The following CROCC2 variants were observed in gnomAD, a reference collection of about 807,000 sequenced individuals.
CROCC2 encodes ciliary rootlet coiled-coil, rootletin family member 2.
In CROCC2, 163 loss-of-function variants were observed where a neutral mutation model predicts 177.6. The observed-to-expected ratio is 0.92, with a 90% confidence interval of 0.81 to 1.05. The LOEUF (loss-of-function observed/expected upper bound fraction) is 1.05. Ranked by LOEUF, CROCC2 falls within the 50% of genes least tolerant of loss-of-function variation. The pLI is 0.00. For synonymous variants in CROCC2, 904 were observed against 787.3 expected (o/e 1.15, Z -2.48); for missense variants, 1,929 against 1,797.8 (o/e 1.07, Z -1.32).
At chr2:240,938,436 C>A (rs1169760214) in intron 14 of CROCC2, among the ~76,000 whole-genome samples, 1 of 152,202 alleles carries the variant, frequency 6.6e-6, no homozygotes, top group African/African-American at 2.4e-5. Flanking sequence ...ATTCTTTCAC[C>A]AAAACCACAC....
chr2:240,916,542 C>T lies in CROCC2; in HGVS notation c.79-2184C>T, dbSNP rs567264398. 1.2e-3 allele frequency among the ~76,000 whole-genome samples: 168 copies of T among 143,300 alleles called. 1 individual carries two copies. Among genetic ancestry groups the T allele is most frequent in the Admixed American group, 3.9e-3 (54 of 13,916 alleles). 94.0% of individuals were successfully genotyped at this position (143,300 alleles called of 152,430 possible). ...TCCCCCTGAACGCCCCCTGCGCTCCCCCCGCGCTCCCCGCGCCCCCCTCCG... is the reference window on the plus strand; with the variant it reads ...TCCCCCTGAACGCCCCCTGCGCTCCTCCCGCGCTCCCCGCGCCCCCCTCCG... On this transcript the variant is annotated intron_variant, in intron 1 of 31. Transcript: ENST00000690015.
At position 240,948,033 on chromosome 2, in the gene CROCC2, G is replaced by A. The variant is rs150086466; in HGVS notation, c.2364-946G>A. On this transcript the variant is annotated intron_variant, in intron 15 of 31. Coordinates refer to ENST00000690015, the MANE Select transcript of CROCC2 (RefSeq NM_001351305.2). The stretch of plus-strand genomic sequence containing the variant: ...CCACATCCCTTACAGGAGACCAGGC[G>A]GGCCTCTAGGAGGAGGGGTTTCCAG... 8.7e-4 allele frequency among the ~76,000 whole-genome samples: 133 copies of A among 152,284 alleles called. 1 individual carries two copies. The highest frequency in any genetic ancestry group is 2.7e-3 in the African/African-American group (113 of 41,552).
At chr2:240,969,377 G>A (rs1471231143) in intron 27 of CROCC2, among the ~76,000 whole-genome samples, 1 of 152,236 alleles carries the variant, frequency 6.6e-6, no homozygotes, top group Non-Finnish European at 1.5e-5. Flanking sequence ...TGAGGAGGTG[G>A]CTTCTGCAGG....
At chr2:240,989,172 C>T (rs553388272) in intron 29 of CROCC2, among the ~76,000 whole-genome samples, 9 of 152,274 alleles carry the variant, frequency 5.9e-5, no homozygotes, top group African/African-American at 2.2e-4. Context: ...TCAGAGAGGC[C>T]TGTGGGGCAT....
Position 240,988,850 on chromosome 2 carries a change from A to T in CROCC2, c.4663A>T (p.Arg1555Trp), listed in dbSNP as rs1325742338. Residue 1555 changes from arginine (R) to tryptophan (W), a missense_variant, in exon 29 of 32, where the codon AGG (arginine) becomes TGG (tryptophan). By Grantham distance (101) the Arg-to-Trp change is moderately radical. This residue lies in a region of CROCC2 where 388 missense variants were observed against 352.7 expected (regional missense o/e 1.10). Coordinates refer to ENST00000690015, the MANE Select transcript of CROCC2 (RefSeq NM_001351305.2). ...SLHQEVDGALRQNQQLQAQMT... is the reference protein window; with the variant it reads ...SLHQEVDGALWQNQQLQAQMT... The stretch of plus-strand genomic sequence containing the variant: ...GCACCAGGAGGTGGACGGAGCCCTG[A>T]GGCAAAATCAGCAGCTGCAGGTCAA... 6.7e-7 allele frequency: 1 copy of T among 1,491,576 alleles called. No individual in the cohort carries two copies. The highest frequency in any genetic ancestry group is 9.0e-7 in the Non-Finnish European group (1 of 1,113,012). The allele number at this position is 1,491,576 out of a possible 1,614,324, so 92.4% of individuals were successfully genotyped here.
intron 30 of CROCC2, 148 bp from the exon 31 acceptor site, chr2:240,991,048 G>A (rs944207826): frequency 3.7e-6 from 2 of 543,624 alleles, no homozygotes; most frequent in African/African-American, 3.9e-5. Context: ...TCTGCCTGAT[G>A]TTTCTGTCCC....
At chr2:240,943,702 A>G (rs1264774701) in intron 14 of CROCC2, among the ~76,000 whole-genome samples, 1 of 151,666 alleles carries the variant, frequency 6.6e-6, no homozygotes, top group Non-Finnish European at 1.5e-5. Context: ...TTGGTCTCGA[A>G]CTCCCGAGCT....
intron 20 of CROCC2, among the ~76,000 whole-genome samples, chr2:240,961,586 TCACA>T (rs72080262): frequency 2.6e-4 from 35 of 136,810 alleles, no homozygotes; most frequent in African/African-American, 5.7e-4. Flanking sequence ...ACACATACAC[TCACA>T]CACACACACG....
At chr2:240,912,607 A>T (rs1416545935) in intron 1 of CROCC2, among the ~76,000 whole-genome samples, 1 of 152,214 alleles carries the variant, frequency 6.6e-6, no homozygotes, top group Non-Finnish European at 1.5e-5. Context: ...ACTGCCTTGT[A>T]TTCAGCAACC....
chr2:240,961,584 A>C (rs2059634981), intron 20 of CROCC2, among the ~76,000 whole-genome samples: 1 of 88,536 alleles, frequency 1.1e-5, no homozygotes, highest in African/African-American at 3.9e-5. Context: ...TCACACATAC[A>C]CTCACACACA....
intron 22 of CROCC2, among the ~76,000 whole-genome samples, chr2:240,964,957 C>T (rs1308434614): frequency 4.6e-5 from 7 of 152,228 alleles, no homozygotes; most frequent in Non-Finnish European, 7.3e-5. Context: ...CAACACCTTC[C>T]GGTGGCGCTC....
chr2:240,989,330 G>A (rs1313181081), intron 29 of CROCC2, among the ~76,000 whole-genome samples: 1 of 152,162 alleles, frequency 6.6e-6, no homozygotes, highest in Non-Finnish European at 1.5e-5. Flanking sequence ...GGGGATGGGG[G>A]CAGGATGGGC....
At chr2:240,966,014 C>T in intron 24 of CROCC2, 21 bp downstream of exon 24, 1 of 1,330,186 alleles carries the variant, frequency 7.5e-7, no homozygotes, top group African/African-American at 1.5e-5. Flanking sequence ...TCAGTGGAGG[C>T]AGGCGGGCCC....
At position 240,990,228 on chromosome 2, in the gene CROCC2, G is replaced by A. The variant is rs77811548; in HGVS notation, c.4863+395G>A. On this transcript the variant is annotated intron_variant, in intron 30 of 31. Transcript: ENST00000690015. ...GTGGCCTCTGCACCTGTCCTTCAGA[G>A]TCACAAAGGGAAAACAATGGCACAC... Among the ~76,000 whole-genome samples the A allele has an allele frequency of 0.014, 2,068 of 152,328 alleles. 158 individuals are homozygous for A. In the East Asian group the frequency reaches 0.19, roughly 14 times the overall value.
chr2:240,982,992 G>A lies in CROCC2; in HGVS notation c.4514G>A (p.Cys1505Tyr), dbSNP rs760611960. 8 of 1,550,408 alleles carry A rather than the reference G, an allele frequency of 5.2e-6. No individual in the cohort carries two copies. Among genetic ancestry groups the A allele is most frequent in the Non-Finnish European group, 7.0e-6 (8 of 1,146,992 alleles). ...CAGCTCACCAACTTGGAGCACAGGT[G>A]CCAGAAGGCTGAGGTATCGCTGGAG... The part of the protein sequence containing the change: ...EEQLTNLEHR[C>Y]QKAEVSLEPL... The change falls in exon 28 of 32, where the codon TGC becomes TAC. Residue 1505 changes from cysteine (C) to tyrosine (Y), a missense_variant. This residue lies in a region of CROCC2 where 388 missense variants were observed against 352.7 expected (regional missense o/e 1.10). Coordinates refer to ENST00000690015, the MANE Select transcript of CROCC2 (RefSeq NM_001351305.2). The surrounding 1 kb of genome is among the most constrained non-coding windows in gnomAD (Gnocchi z 4.7).
Position 240,949,836 on chromosome 2 carries a change from AC to A in CROCC2, c.2652+136del. ...GGCGCCTGGCCAGGGCTGGGCAAGG[AC>A]CAGCTCACTCTTTATAGTTCACGTG... On this transcript the variant is annotated intron_variant, in intron 17 of 31. Coordinates refer to ENST00000690015, the MANE Select transcript of CROCC2 (RefSeq NM_001351305.2). The surrounding 1 kb of genome is among the most constrained non-coding windows in gnomAD (Gnocchi z 4.5). 1 of 903,806 alleles carries A rather than the reference AC, an allele frequency of 1.1e-6. No individual in the cohort carries two copies. Among genetic ancestry groups the A allele is most frequent in the Non-Finnish European group, 1.7e-6 (1 of 602,322 alleles). The allele number at this position is 903,806 out of a possible 1,614,324, so 56.0% of individuals were successfully genotyped here.
intron 18 of CROCC2, among the ~76,000 whole-genome samples, chr2:240,951,319 C>T (rs1383807322): frequency 1.3e-5 from 2 of 151,664 alleles, no homozygotes; most frequent in African/African-American, 4.9e-5. Flanking sequence ...ATCCATCCAC[C>T]CATCCACCTG....
At chr2:240,925,254 C>T (rs1233469481) in intron 4 of CROCC2, among the ~76,000 whole-genome samples, 1 of 152,218 alleles carries the variant, frequency 6.6e-6, no homozygotes, top group Non-Finnish European at 1.5e-5. Context: ...ACCTGGCGGA[C>T]TTGCACCCCT....
intron 18 of CROCC2, chr2:240,955,110 A>T (rs1050960722): frequency 6.6e-6 from 1 of 152,030 alleles, no homozygotes; most frequent in Non-Finnish European, 1.5e-5. Flanking sequence ...CCAGCTGTGT[A>T]TCTGCAGCTT....
Sources: gnomAD v4.1 joint callset for allele counts (sites outside exome capture counted in the v4.1 genomes callset) on GRCh38, gnomAD v4.1.1 for gene constraint, gnomAD v4.1.1 regional missense constraint, Gnocchi (gnomAD v3.1) non-coding constraint, MANE v1.5 for transcripts, NCBI Gene and HGNC (gene_info 2026-07-23, HGNC 2026-07-21) for gene names.